Variants in MEF2A observed in about 807,000 individuals in gnomAD.
The protein encoded by MEF2A is myocyte-specific enhancer factor 2A.
A neutral mutation model predicts 55.8 loss-of-function variants in MEF2A; 28 were observed. The ratio of observed to expected loss-of-function variants is 0.50; its 90% CI spans 0.37 to 0.69. The LOEUF (loss-of-function observed/expected upper bound fraction) is 0.69, where lower values mean the gene tolerates loss of function less well. MEF2A is among the 30% of genes least tolerant of loss of function. The pLI is 0.00. For missense variants in MEF2A, 528 were observed against 626.2 expected (o/e 0.84, Z 1.67); for synonymous variants, 239 against 227.1 (o/e 1.05, Z -0.47).
chr15:99,653,491 G>GA lies in MEF2A; in HGVS notation c.258+7731dup, dbSNP rs542235727. ...AAATGATAGTATGAATTATATTTTA[G>GA]AAAATGAGACATACCTTATAATTTT... On this transcript the variant is annotated intron_variant, in intron 4 of 11. Transcript: ENST00000557942. 3.7e-3 allele frequency among the ~76,000 whole-genome samples: 566 copies of GA among 152,162 alleles called. 4 individuals are homozygous for GA. The highest frequency in any genetic ancestry group is 0.013 in the African/African-American group (532 of 41,544).
At position 99,712,079 on chromosome 15, in the gene MEF2A, G is replaced by C. The variant is rs2058700707; in HGVS notation, c.1137-311G>C. ...GAGCAGATGAGGCTGCTGTTCCTCT[G>C]TCTTTCTGGTCCCTGCACAGCATTA... is the stretch of plus-strand genomic sequence containing the variant. On this transcript the variant is annotated intron_variant, in intron 11 of 11. Coordinates refer to ENST00000557942, the MANE Select transcript of MEF2A (RefSeq NM_001319206.4). The surrounding 1 kb of genome is among the most constrained non-coding windows in gnomAD (Gnocchi z 4.1). Among the ~76,000 whole-genome samples, 1 of 152,260 alleles carries C rather than the reference G, an allele frequency of 6.6e-6. No homozygotes were observed. The highest frequency in any genetic ancestry group is 2.4e-5 in the African/African-American group (1 of 41,470).
intron 8 of MEF2A, among the ~76,000 whole-genome samples, chr15:99,700,508 TCA>T (rs1407715697): frequency 6.6e-6 from 1 of 151,512 alleles, no homozygotes; most frequent in Non-Finnish European, 1.5e-5. Context: ...CGAGACCCTG[TCA>T]CACACACACA....
chr15:99,711,352 A>C (rs1299891599), intron 11 of MEF2A, among the ~76,000 whole-genome samples: 1 of 152,248 alleles, frequency 6.6e-6, no homozygotes, highest in African/African-American at 2.4e-5. Context: ...CCCAATGCAC[A>C]CACCAAACCT....
chr15:99,665,834 A>C (rs1354165018), intron 4 of MEF2A, among the ~76,000 whole-genome samples: 6 of 152,158 alleles, frequency 3.9e-5, no homozygotes, highest in African/African-American at 1.4e-4. Context: ...ACATATGAAA[A>C]AAAGCTCATC....
intron 10 of MEF2A, among the ~76,000 whole-genome samples, chr15:99,707,498 G>A (rs577422199): frequency 3.3e-5 from 5 of 152,258 alleles, no homozygotes; most frequent in African/African-American, 1.2e-4. Flanking sequence ...CCCTAATTTG[G>A]GGTTGTATTA....
chr15:99,697,726 G>A (rs1400003508), intron 8 of MEF2A, among the ~76,000 whole-genome samples: 2 of 152,128 alleles, frequency 1.3e-5, no homozygotes, highest in Non-Finnish European at 2.9e-5. Flanking sequence ...CTAACAAGCT[G>A]ATTCTAAAAT....
At chr15:99,572,985 T>G (rs981564878) in intron 1 of MEF2A, among the ~76,000 whole-genome samples, 1 of 152,186 alleles carries the variant, frequency 6.6e-6, no homozygotes, top group Non-Finnish European at 1.5e-5. Context: ...AAATGTTGAA[T>G]TGAGTAGAAG....
At chr15:99,596,236 GTT>G (rs1971127401) in intron 1 of MEF2A, among the ~76,000 whole-genome samples, 1 of 152,054 alleles carries the variant, frequency 6.6e-6, no homozygotes. Context: ...TTAATCACTT[GTT>G]TGCCATGGGC....
At chr15:99,675,816 T>C (rs1018354240) in intron 7 of MEF2A, among the ~76,000 whole-genome samples, 2 of 152,154 alleles carry the variant, frequency 1.3e-5, no homozygotes, top group African/African-American at 4.8e-5. Context: ...GGTGGGCAGA[T>C]TGCCTGAGCT....
intron 4 of MEF2A, among the ~76,000 whole-genome samples, chr15:99,646,748 C>T (rs1355803694): frequency 2.6e-5 from 4 of 151,928 alleles, no homozygotes; most frequent in Admixed American, 6.6e-5. Context: ...GTTATTGTTC[C>T]GAAAATGCAT....
intron 8 of MEF2A, among the ~76,000 whole-genome samples, 186 bp from the exon 9 acceptor site, chr15:99,703,176 T>C (rs1193982807): frequency 6.6e-6 from 1 of 152,262 alleles, no homozygotes; most frequent in Non-Finnish European, 1.5e-5. Flanking sequence ...ATAATTTTTC[T>C]AGTCTTTTGA....
At chr15:99,570,978 A>C (rs1363702815) in intron 1 of MEF2A, among the ~76,000 whole-genome samples, 1 of 152,026 alleles carries the variant, frequency 6.6e-6, no homozygotes, top group Non-Finnish European at 1.5e-5. Flanking sequence ...TGAGGTCGGG[A>C]GTTTGAGACC....
At chr15:99,688,303 T>C (rs1352177408) in intron 7 of MEF2A, among the ~76,000 whole-genome samples, 1 of 152,224 alleles carries the variant, frequency 6.6e-6, no homozygotes. Flanking sequence ...CAGGCTTAAA[T>C]TGTATAGGGG....
intron 7 of MEF2A, 86 bp from the exon 8 acceptor site, chr15:99,690,155 A>C (rs907221975): frequency 3.1e-6 from 4 of 1,310,250 alleles, no homozygotes; most frequent in Non-Finnish European, 2.1e-6. Context: ...TTTATTTGCA[A>C]CTCAGACTGG....
chr15:99,613,704 T>C (rs2039692696), intron 2 of MEF2A, among the ~76,000 whole-genome samples: 1 of 152,128 alleles, frequency 6.6e-6, no homozygotes, highest in East Asian at 1.9e-4. Flanking sequence ...ATGGAGACCT[T>C]TGAGGAGGTC....
intron 8 of MEF2A, among the ~76,000 whole-genome samples, chr15:99,693,843 G>C (rs1482598079): frequency 2.0e-5 from 3 of 152,252 alleles, no homozygotes; most frequent in African/African-American, 7.2e-5. Context: ...GTAAACTCTG[G>C]TTTTCCCTGC....
chr15:99,690,798 G>A (rs549505288), intron 8 of MEF2A: 236 of 385,070 alleles, frequency 6.1e-4, no homozygotes, highest in Non-Finnish European at 1.1e-3. Flanking sequence ...GGCTGGGAAG[G>A]GTGTGTGGGT....
chr15:99,617,822 A>C (rs962449391), intron 2 of MEF2A, among the ~76,000 whole-genome samples: 3 of 152,294 alleles, frequency 2.0e-5, no homozygotes, highest in African/African-American at 7.2e-5. Context: ...GGGGGAGAAG[A>C]AGCAGTAGTC....
At chr15:99,570,010 A>G (rs1961458293) in intron 1 of MEF2A, among the ~76,000 whole-genome samples, 1 of 151,692 alleles carries the variant, frequency 6.6e-6, no homozygotes. Flanking sequence ...TTTTATATAG[A>G]TGCTTTATAC....
Sources: allele counts gnomAD v4.1 joint callset (sites outside exome capture counted in the v4.1 genomes callset), GRCh38; gene constraint gnomAD v4.1.1; non-coding constraint Gnocchi (gnomAD v3.1); transcripts MANE v1.5; gene names NCBI Gene and HGNC (gene_info 2026-07-23, HGNC 2026-07-21).